ADGRA2: variants seen among roughly 807,000 people sequenced by gnomAD.
ADGRA2 encodes the protein adhesion G protein-coupled receptor A2.
In ADGRA2, 61 loss-of-function variants were observed where a neutral mutation model predicts 98.7. That is an observed-to-expected ratio of 0.62 (90% CI 0.50 to 0.76). The LOEUF is 0.76. Among genes scored for constraint, ADGRA2 ranks in the 30% least tolerant of loss-of-function variants. The pLI is 0.00. For missense variants in ADGRA2, 1,712 were observed against 1,860.0 expected, an observed-to-expected ratio of 0.92 and a Z score of 1.46; for synonymous variants, 858 against 831.5, an observed-to-expected ratio of 1.03 and a Z score of -0.55.
chr8:37,830,628 C>CCCA lies in ADGRA2; in HGVS notation c.719-81_719-80insCAC. The stretch of plus-strand genomic sequence containing the variant: ...GCCGAGGGCCCCGCCCCGCCCCACC[C>CCCA]CATCCTGCTGGACTCTCGCTCACAC... On this transcript the variant is annotated intron_variant, in intron 6 of 18. Coordinates refer to ENST00000412232, the MANE Select transcript of ADGRA2 (RefSeq NM_032777.10). The surrounding 1 kb of genome is among the most constrained non-coding windows in gnomAD (Gnocchi z 4.8). The CCCA allele has an allele frequency of 3.0e-5, 21 of 711,432 alleles. No individual in the cohort carries two copies. The highest frequency in any genetic ancestry group is 3.6e-4 in the Middle Eastern group (1 of 2,780). 44.1% of individuals were successfully genotyped at this position (711,432 alleles called of 1,614,324 possible).
At position 37,797,929 on chromosome 8, in the gene ADGRA2, G is replaced by A. The variant is rs555421608; in HGVS notation, c.266+395G>A. Among the ~76,000 whole-genome samples the A allele has an allele frequency of 5.3e-5, 8 of 152,344 alleles. No homozygotes were observed. Among genetic ancestry groups the A allele is most frequent in the African/African-American group, 1.7e-4 (7 of 41,588 alleles). On this transcript the variant is annotated intron_variant, in intron 1 of 18. Transcript: ENST00000412232. The surrounding 1 kb of genome is among the most constrained non-coding windows in gnomAD (Gnocchi z 5.3). ...AAAGATCGACGCTCGTGGCCCAGGA[G>A]GGGGCTGTGGTCCTAACCACTACGG...
In ADGRA2 at chr8:37,814,679, G is replaced by C. The variant is rs1431548933; in HGVS notation, c.267-217G>C. Among the ~76,000 whole-genome samples, 1 of 152,206 alleles carries C rather than the reference G, an allele frequency of 6.6e-6. No homozygotes were observed. Among genetic ancestry groups the C allele is most frequent in the Non-Finnish European group, 1.5e-5 (1 of 68,032 alleles). On this transcript the variant is annotated intron_variant, in intron 1 of 18. Coordinates refer to ENST00000412232, the MANE Select transcript of ADGRA2 (RefSeq NM_032777.10). The surrounding 1 kb of genome is among the most constrained non-coding windows in gnomAD (Gnocchi z 4.3). ...AGAGCCCCACGTCAGAGCCAGGCTT[G>C]GAGGAGACTCAGGGCAGGAAGGTCT...
intron 2 of ADGRA2, among the ~76,000 whole-genome samples, chr8:37,822,402 C>T (rs1376546709): frequency 7.7e-6 from 1 of 129,724 alleles, no homozygotes; most frequent in Non-Finnish European, 1.6e-5. Flanking sequence ...CACACACACA[C>T]ACACACAGTC....
rs1033341995 is a variant in ADGRA2 at position 37,796,896 on chromosome 8, A to AGCG, written c.-358_-356dup. 1.8e-4 allele frequency: 27 copies of AGCG among 153,284 alleles called. 1 individual carries two copies. The highest frequency in any genetic ancestry group is 1.8e-3 in the South Asian group (10 of 5,678). 9.5% of individuals were successfully genotyped at this position (153,284 alleles called of 1,614,324 possible). On this transcript the variant is annotated 5_prime_UTR_variant, in exon 1 of 19. Transcript: ENST00000412232. ...GGAGCTGCCTCCATCCATGGCACGG[A>AGCG]GCGGCGGCGGCGGCGGCAGCAGGAG...
At chr8:37,807,555 T>C (rs572770579) in intron 1 of ADGRA2, among the ~76,000 whole-genome samples, 117 of 152,330 alleles carry the variant, frequency 7.7e-4, no homozygotes, top group African/African-American at 2.6e-3. Flanking sequence ...AGGCATCTCT[T>C]TGAGCCCTGG....
At chr8:37,826,438 G>C (rs1295370152) in intron 2 of ADGRA2, among the ~76,000 whole-genome samples, 1 of 152,172 alleles carries the variant, frequency 6.6e-6, no homozygotes, top group African/African-American at 2.4e-5. Flanking sequence ...CACGGTCCCT[G>C]TGTGCGCCTC....
chr8:37,841,334 G>C lies in ADGRA2; in HGVS notation c.2996G>C (p.Arg999Pro), dbSNP rs142683741. The change falls in exon 19 of 19, where the codon CGA becomes CCA. Residue 999 changes from arginine (R) to proline (P), a missense_variant. Transcript: ENST00000412232. The surrounding 1 kb of genome is among the most constrained non-coding windows in gnomAD (Gnocchi z 5.0). ...SGSLLATGSA[R>P]VGTPGPPEDG... ...TCCCTTCTTGCTACTGGGAGCGCGC[G>C]AGTGGGGACGCCCGGGCCCCCGGAG... 3 of 1,606,212 alleles carry C rather than the reference G, an allele frequency of 1.9e-6. No individual in the cohort carries two copies. Among genetic ancestry groups the C allele is most frequent in the African/African-American group, 1.3e-5 (1 of 74,954 alleles).
Position 37,830,868 on chromosome 8 carries a change from C to T in ADGRA2, c.877C>T (p.Gln293Ter). ...HNRAPVEGDE[Q>*]AGILLAESLI... is the part of the protein sequence containing the mutation. ...CCGAGCCCCTGTGGAGGGTGATGAG[C>T]AGGCGGGCATCCTCCTGGCCGAGAG... The change falls in exon 7 of 19, where the codon CAG becomes TAG. Residue 293 changes from glutamine (Q) to a stop codon, truncating the protein, a stop_gained. Transcript: ENST00000412232. LOFTEE classifies it high-confidence loss of function. This position sits in a 1 kb window ranked among gnomAD's most constrained non-coding sequence, Gnocchi z 4.8. 6.3e-7 allele frequency: 1 copy of T among 1,593,886 alleles called. No homozygotes were observed. Among genetic ancestry groups the T allele is most frequent in the Non-Finnish European group, 8.5e-7 (1 of 1,170,322 alleles).
At chr8:37,809,745 G>A (rs1487200454) in intron 1 of ADGRA2, among the ~76,000 whole-genome samples, 1 of 152,198 alleles carries the variant, frequency 6.6e-6, no homozygotes, top group Non-Finnish European at 1.5e-5. Context: ...AGCGTGGGCT[G>A]CAGCTGCCCC....
At position 37,843,671 on chromosome 8, in the gene ADGRA2, A is replaced by AG. The variant is rs1805885140; in HGVS notation, c.*1321dup. On this transcript the variant is annotated 3_prime_UTR_variant, in exon 19 of 19. Coordinates refer to ENST00000412232, the MANE Select transcript of ADGRA2 (RefSeq NM_032777.10). Reference sequence around the variant, plus strand: ...ACCAAGGTGACAGAGGACACAGGGGAGGGGGAAAACCCACACACACTCCTT... The same window carrying AG: ...ACCAAGGTGACAGAGGACACAGGGGAGGGGGGAAAACCCACACACACTCCTT... 6.6e-6 allele frequency: 1 copy of AG among 152,322 alleles called. No homozygotes were observed. Among genetic ancestry groups the AG allele is most frequent in the Non-Finnish European group, 1.5e-5 (1 of 68,016 alleles). 9.4% of individuals were successfully genotyped at this position (152,322 alleles called of 1,614,324 possible).
At position 37,844,769 on chromosome 8, in the gene ADGRA2, C is replaced by G. The variant is rs150211844; in HGVS notation, c.*2414C>G. ...CTTCTCCTTGCCCCTGTCCCCACCC[C>G]GGTGGCTCCTTCTCTCGGGTCTCCA... On this transcript the variant is annotated 3_prime_UTR_variant, in exon 19 of 19. Transcript: ENST00000412232. 1.2e-5 allele frequency: 19 copies of G among 1,613,920 alleles called. No individual in the cohort carries two copies. Among genetic ancestry groups the G allele is most frequent in the Non-Finnish European group, 3.4e-6 (4 of 1,179,982 alleles).
At chr8:37,818,257 TTCC>T (rs1805033250) in intron 2 of ADGRA2, among the ~76,000 whole-genome samples, 1 of 152,154 alleles carries the variant, frequency 6.6e-6, no homozygotes, top group Non-Finnish European at 1.5e-5. Context: ...ACAATGGCTC[TTCC>T]TCCTCCTCCT....
Position 37,840,125 on chromosome 8 carries a change from G to C in ADGRA2, c.2516G>C (p.Gly839Ala). 1 of 1,594,486 alleles carries C rather than the reference G, an allele frequency of 6.3e-7. No individual in the cohort carries two copies. The highest frequency in any genetic ancestry group is 8.5e-7 in the Non-Finnish European group (1 of 1,174,016). ...CTCCGTGCCTTGACCCCGCAGGTGG[G>C]CATCACCCTGCACTACTCCTCCCTA... ...TNYQMVCQAVGITLHYSSLST... is the reference protein window; with the variant it reads ...TNYQMVCQAVAITLHYSSLST... The change falls in exon 17 of 19, where the codon GGC (glycine) becomes GCC (alanine). Residue 839 changes from glycine to alanine, a missense_variant. By Grantham distance (60) the Gly-to-Ala change is moderately conservative. Transcript: ENST00000412232.
rs748868656 is a variant in ADGRA2 at position 37,841,190 on chromosome 8, G to A, written c.2852G>A (p.Arg951Gln). Residue 951 changes from arginine to glutamine, a missense_variant, in exon 19 of 19, where the codon CGG (arginine) becomes CAG (glutamine). Arg to Gln is a conservative substitution (Grantham distance 43). Transcript: ENST00000412232. This position sits in a 1 kb window ranked among gnomAD's most constrained non-coding sequence, Gnocchi z 5.0. ...IYFLCAGLRL[R>Q]GPLAQNPKAG... ...TTCCTGTGCGCCGGGCTACGCTTACGGGGTCCTCTGGCACAGAACCCCAAG... is the reference window on the plus strand; with the variant it reads ...TTCCTGTGCGCCGGGCTACGCTTACAGGGTCCTCTGGCACAGAACCCCAAG... The A allele has an allele frequency of 8.1e-6, 13 of 1,613,244 alleles. No individual in the cohort carries two copies. The highest frequency in any genetic ancestry group is 4.0e-5 in the African/African-American group (3 of 74,918).
chr8:37,839,440 G>C (rs1484180067), intron 15 of ADGRA2, 59 bp from the exon 16 acceptor site: 1 of 1,602,218 alleles, frequency 6.2e-7, no homozygotes, highest in Non-Finnish European at 8.5e-7. Flanking sequence ...GTGGCCTTGA[G>C]ACCCCATGGG....
At position 37,797,550 on chromosome 8, in the gene ADGRA2, G is replaced by C; in HGVS notation, c.266+16G>C. 1 of 1,364,298 alleles carries C rather than the reference G, an allele frequency of 7.3e-7. No homozygotes were observed. Among genetic ancestry groups the C allele is most frequent in the Non-Finnish European group, 9.5e-7 (1 of 1,051,774 alleles). 84.5% of individuals were successfully genotyped at this position (1,364,298 alleles called of 1,614,324 possible). A position where few individuals can be genotyped will look rare whatever the true frequency, so the allele number is the denominator to read the frequency against. On this transcript the variant is annotated intron_variant, in intron 1 of 18. Coordinates refer to ENST00000412232, the MANE Select transcript of ADGRA2 (RefSeq NM_032777.10). This position sits in a 1 kb window ranked among gnomAD's most constrained non-coding sequence, Gnocchi z 5.3. ...CCGTTACCCTGTGAGTACCCTACCA[G>C]GCCAGTTCCGTCCGAGCCGGGACTG...
In ADGRA2 at chr8:37,831,600, C is replaced by G; in HGVS notation, c.1097+13C>G. On this transcript the variant is annotated intron_variant, in intron 8 of 18. Transcript: ENST00000412232. Reference sequence around the variant, plus strand: ...GCGGGGACTTCAGGTTTGGCCCACTCCACCCTGTAGAGGGCTGCCCAGCCC... The same window carrying G: ...GCGGGGACTTCAGGTTTGGCCCACTGCACCCTGTAGAGGGCTGCCCAGCCC... 1.9e-6 allele frequency: 3 copies of G among 1,612,584 alleles called. No homozygotes were observed. The highest frequency in any genetic ancestry group is 2.5e-6 in the Non-Finnish European group (3 of 1,179,306).
rs754284099 is a variant in ADGRA2 at position 37,834,053 on chromosome 8, C to T, written c.1533C>T (p.Ala511=). The change falls in exon 11 of 19, where the codon GCC becomes GCT. Residue 511 remains alanine, a synonymous_variant. Transcript: ENST00000412232. This position sits in a 1 kb window ranked among gnomAD's most constrained non-coding sequence, Gnocchi z 4.2. ...GGCTGGCCCAGCGCGAGGACAAGGC[C>T]TGCAGCCGCATCGTGGGTGCCCTGG... ...LLWLAQREDK[A]CSRIVGALER... is the part of the protein sequence containing the mutation. 1 of 1,613,028 alleles carries T rather than the reference C, an allele frequency of 6.2e-7. No individual in the cohort carries two copies. The highest frequency in any genetic ancestry group is 8.5e-7 in the Non-Finnish European group (1 of 1,179,994).
intron 1 of ADGRA2, among the ~76,000 whole-genome samples, chr8:37,810,856 C>T (rs1804807805): frequency 6.6e-6 from 1 of 151,966 alleles, no homozygotes; most frequent in Non-Finnish European, 1.5e-5. Flanking sequence ...CCGTATCATG[C>T]CTGTAATCCC....
Sources: allele counts gnomAD v4.1 joint callset (sites outside exome capture counted in the v4.1 genomes callset), GRCh38; gene constraint gnomAD v4.1.1; non-coding constraint Gnocchi (gnomAD v3.1); transcripts MANE v1.5; gene names NCBI Gene and HGNC (gene_info 2026-07-23, HGNC 2026-07-21).